The following ATF7IP2 variants were observed in gnomAD, a reference collection of about 807,000 sequenced individuals.
The protein encoded by ATF7IP2 is activating transcription factor 7-interacting protein 2.
Under a neutral mutation model 64.2 loss-of-function variants are expected in ATF7IP2, and 42 were observed. The observed-to-expected ratio is 0.65, with a 90% CI of 0.51 to 0.85. ATF7IP2 has a LOEUF of 0.85. Ranked by LOEUF, ATF7IP2 falls within the 40% of genes least tolerant of loss-of-function variation. ATF7IP2 has a pLI of 0.00. For missense variants in ATF7IP2, 933 were observed against 784.2 expected (o/e 1.19, Z -2.27); for synonymous variants, 308 against 272.8 (o/e 1.13, Z -1.27).
At chr16:10,460,590 GCAGTCAGT>G (rs1172557017) in intron 9 of ATF7IP2, among the ~76,000 whole-genome samples, 2 of 152,142 alleles carry the variant, frequency 1.3e-5, no homozygotes, top group Non-Finnish European at 2.9e-5. Context: ...AGATTGCGTG[GCAGTCAGT>G]CATTTGGGAA....
chr16:10,418,148 GA>G (rs2047915770), intron 2 of ATF7IP2, among the ~76,000 whole-genome samples: 2 of 152,190 alleles, frequency 1.3e-5, no homozygotes, highest in South Asian at 4.1e-4. Context: ...ACTAAAATGG[GA>G]AACAAAGGGA....
Position 10,482,315 on chromosome 16 carries a change from A to G in ATF7IP2, c.*66A>G. 1.6e-6 allele frequency: 2 copies of G among 1,255,044 alleles called. No individual in the cohort carries two copies. The highest frequency in any genetic ancestry group is 2.2e-6 in the Non-Finnish European group (2 of 903,180). The allele number at this position is 1,255,044 out of a possible 1,614,324, so 77.7% of individuals were successfully genotyped here. The stretch of plus-strand genomic sequence containing the variant: ...TGTTTGTTTGCAATGTTACTGTAAT[A>G]CTATTTGCCATTGTAAAAGGCCAGC... On this transcript the variant is annotated 3_prime_UTR_variant, in exon 14 of 14. Transcript: ENST00000562102.
intron 9 of ATF7IP2, among the ~76,000 whole-genome samples, chr16:10,463,617 C>T (rs1316455828): frequency 6.6e-6 from 1 of 152,162 alleles, no homozygotes; most frequent in Non-Finnish European, 1.5e-5. Context: ...TTGGTGACTA[C>T]AGCACCTGCC....
chr16:10,447,180 C>T (rs2048836867), intron 8 of ATF7IP2: 1 of 152,394 alleles, frequency 6.6e-6, no homozygotes, highest in Non-Finnish European at 1.5e-5. Context: ...CAAGATACTC[C>T]AACCATCAAG....
chr16:10,426,502 A>G (rs1378981747), intron 3 of ATF7IP2, among the ~76,000 whole-genome samples: 1 of 152,212 alleles, frequency 6.6e-6, no homozygotes, highest in Non-Finnish European at 1.5e-5. Context: ...TGAAGTGTGT[A>G]ATGTTAATGA....
intron 1 of ATF7IP2, among the ~76,000 whole-genome samples, chr16:10,406,899 A>G (rs931865893): frequency 6.6e-6 from 1 of 152,230 alleles, no homozygotes; most frequent in African/African-American, 2.4e-5. Context: ...AATACTTCCA[A>G]ACTCATTCCA....
At chr16:10,400,545 A>G (rs1322530634) in intron 1 of ATF7IP2, among the ~76,000 whole-genome samples, 1 of 152,164 alleles carries the variant, frequency 6.6e-6, no homozygotes, top group African/African-American at 2.4e-5. Flanking sequence ...AAGTGGTGAA[A>G]GTGGGCATCT....
chr16:10,393,981 G>T (rs568845219), intron 1 of ATF7IP2, among the ~76,000 whole-genome samples: 1 of 152,254 alleles, frequency 6.6e-6, no homozygotes, highest in South Asian at 2.1e-4. Context: ...GTTCAAGGCT[G>T]CAGTGAGCTC....
At chr16:10,481,485 A>C (rs2050227209) in intron 13 of ATF7IP2, among the ~76,000 whole-genome samples, 1 of 152,216 alleles carries the variant, frequency 6.6e-6, no homozygotes, top group Admixed American at 6.5e-5. Flanking sequence ...GGATTTTGCC[A>C]TGTTGGCCAG....
chr16:10,440,160 CA>C lies in ATF7IP2; in HGVS notation c.1096-195del, dbSNP rs954063207. Among the ~76,000 whole-genome samples, 23 of 150,912 alleles carry C rather than the reference CA, an allele frequency of 1.5e-4. No homozygotes were observed. The East Asian group carries it at 2.0e-3, about 13-fold the overall frequency. ...GGGCAACAAGAGCGAAACTCCATCTCAAAAAAAAATTTTTTTTATTTATATA... is the reference window on the plus strand; with the variant it reads ...GGGCAACAAGAGCGAAACTCCATCTCAAAAAAAATTTTTTTTATTTATATA... On this transcript the variant is annotated intron_variant, in intron 7 of 13. Transcript: ENST00000562102.
At chr16:10,455,933 A>G (rs2049149590) in intron 8 of ATF7IP2, among the ~76,000 whole-genome samples, 1 of 152,080 alleles carries the variant, frequency 6.6e-6, no homozygotes, top group Non-Finnish European at 1.5e-5. Flanking sequence ...ATGGAAAACA[A>G]CTTGTAAACT....
intron 9 of ATF7IP2, among the ~76,000 whole-genome samples, chr16:10,463,335 C>A (rs1010380416): frequency 7.2e-5 from 11 of 152,216 alleles, no homozygotes; most frequent in African/African-American, 2.7e-4. Context: ...CGATACCCCT[C>A]CTTTAAAATG....
At chr16:10,411,086 C>CT (rs1338732193) in intron 1 of ATF7IP2, among the ~76,000 whole-genome samples, 1 of 152,148 alleles carries the variant, frequency 6.6e-6, no homozygotes. Context: ...GGTGGGTTAT[C>CT]TTTTTGATAT....
chr16:10,424,597 G>T (rs2048047654), intron 3 of ATF7IP2, among the ~76,000 whole-genome samples: 1 of 152,090 alleles, frequency 6.6e-6, no homozygotes, highest in Non-Finnish European at 1.5e-5. Context: ...TATCTTATAA[G>T]GGACTTAATC....
rs2050238109 is a variant in ATF7IP2, at chr16:10,481,758, G to A, written c.1636-78G>A. On this transcript the variant is annotated intron_variant, in intron 13 of 13. Transcript: ENST00000562102. Reference sequence around the variant, plus strand: ...CTTTTATTATTTTGATAAATGGATTGAAGAATGAGAAATATATATTTCTAC... The same window carrying A: ...CTTTTATTATTTTGATAAATGGATTAAAGAATGAGAAATATATATTTCTAC... 4 of 1,216,098 alleles carry A rather than the reference G, an allele frequency of 3.3e-6. No homozygotes were observed. The South Asian group carries it at 6.4e-5, about 20-fold the overall frequency. The allele number at this position is 1,216,098 out of a possible 1,614,324, so 75.3% of individuals were successfully genotyped here.
At chr16:10,450,550 C>A (rs2048951611) in intron 8 of ATF7IP2, among the ~76,000 whole-genome samples, 1 of 152,100 alleles carries the variant, frequency 6.6e-6, no homozygotes, top group Non-Finnish European at 1.5e-5. Context: ...TTCATTGATC[C>A]CTTTACCATT....
In ATF7IP2 at chr16:10,457,256, A is replaced by C. The variant is rs960131014; in HGVS notation, c.1195-116A>C. 8 of 848,616 alleles carry C rather than the reference A, an allele frequency of 9.4e-6. No homozygotes were observed. In the African/African-American group the frequency reaches 1.2e-4, roughly 13 times the overall value. 52.6% of individuals were successfully genotyped at this position (848,616 alleles called of 1,614,324 possible). A position where few individuals can be genotyped will look rare whatever the true frequency, so the allele number is the denominator to read the frequency against. On this transcript the variant is annotated intron_variant, in intron 8 of 13. Coordinates refer to ENST00000562102, the MANE Select transcript of ATF7IP2 (RefSeq NM_001393719.1). ...GTCATCAGCCATCGAAATACATGTG[A>C]TTTAACTTATGTTTTGCCATATGTA...
intron 9 of ATF7IP2, among the ~76,000 whole-genome samples, chr16:10,470,568 G>A (rs1314686785): frequency 6.6e-6 from 1 of 152,138 alleles, no homozygotes; most frequent in East Asian, 1.9e-4. Context: ...AGGATCACTT[G>A]AGGTCAGGAG....
At chr16:10,473,868 A>T in intron 11 of ATF7IP2, 55 bp from the exon 12 acceptor site, 1 of 1,168,376 alleles carries the variant, frequency 8.6e-7, no homozygotes, top group Non-Finnish European at 1.2e-6. Flanking sequence ...AAATTTTTAA[A>T]AACATTTTCA....
Sources: allele counts gnomAD v4.1 joint callset (sites outside exome capture counted in the v4.1 genomes callset), GRCh38; gene constraint gnomAD v4.1.1; transcripts MANE v1.5; gene names NCBI Gene and HGNC (gene_info 2026-07-23, HGNC 2026-07-21).